The following CNTN4 variants were observed in gnomAD, a reference collection of about 807,000 sequenced individuals.
The protein encoded by CNTN4 is contactin 4.
A neutral mutation model predicts 122.5 loss-of-function variants in CNTN4; 77 were observed. The ratio of observed to expected loss-of-function variants is 0.63; its 90% CI spans 0.52 to 0.76. CNTN4 has a LOEUF of 0.76. Among genes scored for constraint, CNTN4 ranks in the 30% least tolerant of loss-of-function variants. CNTN4 has a pLI of 0.00. For synonymous variants in CNTN4, 512 were observed against 447.0 expected (o/e 1.15, Z -1.83); for missense variants, 1,256 against 1,259.1 (o/e 1.00, Z 0.04).
At chr3:2,112,119 G>C (rs2033008043) in intron 2 of CNTN4, among the ~76,000 whole-genome samples, 1 of 152,014 alleles carries the variant, frequency 6.6e-6, no homozygotes, top group African/African-American at 2.4e-5. Flanking sequence ...ATTTTATTTT[G>C]GAGAAATGGT....
chr3:2,467,801 C>CAG (rs2075556284), intron 3 of CNTN4, among the ~76,000 whole-genome samples: 1 of 152,176 alleles, frequency 6.6e-6, no homozygotes, highest in South Asian at 2.1e-4. Context: ...CTTGGCCTTG[C>CAG]AGTGTCCTGG....
chr3:2,311,517 C>G (rs2042915420), intron 2 of CNTN4, among the ~76,000 whole-genome samples: 1 of 152,048 alleles, frequency 6.6e-6, no homozygotes, highest in Non-Finnish European at 1.5e-5. Context: ...TTTTAATCAT[C>G]TGAAGTAAAA....
intron 3 of CNTN4, among the ~76,000 whole-genome samples, chr3:2,556,756 C>T (rs561511494): frequency 6.6e-6 from 1 of 151,906 alleles, no homozygotes; most frequent in South Asian, 2.1e-4. Flanking sequence ...GTATTCTAAC[C>T]ATATGAGGAA....
At chr3:2,555,648 A>G (rs1453552971) in intron 3 of CNTN4, among the ~76,000 whole-genome samples, 2 of 152,182 alleles carry the variant, frequency 1.3e-5, no homozygotes, top group Non-Finnish European at 2.9e-5. Context: ...GAGAGAGGGG[A>G]ACAGCAGGTA....
At chr3:2,480,059 A>T (rs1182859034) in intron 3 of CNTN4, among the ~76,000 whole-genome samples, 1 of 152,152 alleles carries the variant, frequency 6.6e-6, no homozygotes, top group Admixed American at 6.6e-5. Context: ...CATTTGACAG[A>T]TTCAACACTC....
intron 2 of CNTN4, among the ~76,000 whole-genome samples, chr3:2,226,263 G>A (rs1041728471): frequency 1.6e-4 from 24 of 152,016 alleles, no homozygotes; most frequent in African/African-American, 5.5e-4. Flanking sequence ...GACTTGCCTC[G>A]TCTACATTTT....
chr3:2,525,311 G>GA (rs2077362842), intron 3 of CNTN4, among the ~76,000 whole-genome samples: 1 of 152,046 alleles, frequency 6.6e-6, no homozygotes, highest in East Asian at 1.9e-4. Flanking sequence ...AGTGCTCTGA[G>GA]AAAAAATAAA....
intron 12 of CNTN4, among the ~76,000 whole-genome samples, chr3:2,918,233 G>C (rs997903163): frequency 4.6e-5 from 7 of 152,172 alleles, no homozygotes; most frequent in African/African-American, 1.4e-4. Context: ...GTCTAGAATA[G>C]AGCCTGTATC....
chr3:2,228,192 A>C (rs1257678140), intron 2 of CNTN4, among the ~76,000 whole-genome samples: 1 of 152,158 alleles, frequency 6.6e-6, no homozygotes, highest in Non-Finnish European at 1.5e-5. Context: ...CCTCTAGCCA[A>C]GGAATTGGCA....
chr3:2,977,789 C>T (rs1693567820), intron 13 of CNTN4, among the ~76,000 whole-genome samples: 1 of 152,160 alleles, frequency 6.6e-6, no homozygotes, highest in South Asian at 2.1e-4. Flanking sequence ...CAAAATGTGA[C>T]CTTATTTGGG....
At chr3:2,108,438 G>A (rs1406605569) in intron 2 of CNTN4, among the ~76,000 whole-genome samples, 4 of 152,084 alleles carry the variant, frequency 2.6e-5, no homozygotes, top group African/African-American at 4.8e-5. Context: ...CCAGGATGCT[G>A]GATATTCATT....
At chr3:2,207,985 C>G (rs2038439980) in intron 2 of CNTN4, among the ~76,000 whole-genome samples, 1 of 152,058 alleles carries the variant, frequency 6.6e-6, no homozygotes, top group African/African-American at 2.4e-5. Flanking sequence ...CACTTGGTCA[C>G]CTAAGAGCTC....
chr3:2,349,011 A>G (rs948145631), intron 3 of CNTN4, among the ~76,000 whole-genome samples: 3 of 152,220 alleles, frequency 2.0e-5, no homozygotes, highest in Non-Finnish European at 2.9e-5. Flanking sequence ...TAGGAAAGAT[A>G]CAACTTTGTC....
chr3:2,187,410 G>A (rs1575034594), intron 2 of CNTN4, among the ~76,000 whole-genome samples: 1 of 152,108 alleles, frequency 6.6e-6, no homozygotes, highest in East Asian at 1.9e-4. Flanking sequence ...TGGCAATGCG[G>A]GCTCTTTTTT....
intron 4 of CNTN4, among the ~76,000 whole-genome samples, chr3:2,632,082 A>ACACG (rs2082467399): frequency 6.8e-6 from 1 of 146,128 alleles, no homozygotes; most frequent in South Asian, 2.3e-4. Flanking sequence ...ACACACACAC[A>ACACG]CACGTGTGTG....
chr3:2,624,859 C>G (rs2082124103), intron 4 of CNTN4, among the ~76,000 whole-genome samples: 1 of 151,890 alleles, frequency 6.6e-6, no homozygotes, highest in Admixed American at 6.6e-5. Context: ...GTCTCGAACT[C>G]CTGGCCTCAA....
At chr3:2,817,142 T>C (rs2092754671) in intron 6 of CNTN4, among the ~76,000 whole-genome samples, 1 of 152,258 alleles carries the variant, frequency 6.6e-6, no homozygotes, top group South Asian at 2.1e-4. Context: ...CTTGCTCTAG[T>C]GTGCGTTTGC....
intron 4 of CNTN4, among the ~76,000 whole-genome samples, chr3:2,625,431 A>G (rs1377708803): frequency 6.6e-6 from 1 of 152,226 alleles, no homozygotes; most frequent in Non-Finnish European, 1.5e-5. Flanking sequence ...GCCAATTATC[A>G]TTTACCATTA....
chr3:2,600,907 A>T (rs1189777536), intron 4 of CNTN4, among the ~76,000 whole-genome samples: 1 of 152,102 alleles, frequency 6.6e-6, no homozygotes, highest in Non-Finnish European at 1.5e-5. Context: ...CTGGTGTGAG[A>T]TGGTATCTCA....
Sources: gnomAD v4.1 joint callset for allele counts (sites outside exome capture counted in the v4.1 genomes callset) on GRCh38, gnomAD v4.1.1 for gene constraint, MANE v1.5 for transcripts, NCBI Gene and HGNC (gene_info 2026-07-23, HGNC 2026-07-21) for gene names.